KCNIP4: variants seen among roughly 807,000 people sequenced by gnomAD.
KCNIP4 encodes Kv channel-interacting protein 4.
Under a neutral mutation model 34.0 loss-of-function variants are expected in KCNIP4, and 12 were observed. The ratio of observed to expected loss-of-function variants is 0.35; its 90% confidence interval spans 0.23 to 0.57. KCNIP4 has a LOEUF of 0.57. Among genes scored for constraint, KCNIP4 ranks in the 20% least tolerant of loss-of-function variants. The pLI is 0.83. For synonymous variants in KCNIP4, 124 were observed against 102.2 expected (o/e 1.21, Z -1.29); for missense variants, 238 against 311.7 (o/e 0.76, Z 1.78).
At chr4:21,541,489 C>T (rs1030075404) in intron 1 of KCNIP4, among the ~76,000 whole-genome samples, 2 of 152,056 alleles carry the variant, frequency 1.3e-5, no homozygotes, top group Non-Finnish European at 2.9e-5. Flanking sequence ...TCAAAGGTAA[C>T]CTTTAAGGAA....
chr4:20,862,464 G>C (rs1722303990), intron 2 of KCNIP4, among the ~76,000 whole-genome samples: 1 of 152,122 alleles, frequency 6.6e-6, no homozygotes, highest in Non-Finnish European at 1.5e-5. Flanking sequence ...GACCAAAAGA[G>C]ATTGATATAC....
At chr4:21,681,568 C>T (rs1366708597) in intron 1 of KCNIP4, among the ~76,000 whole-genome samples, 2 of 152,230 alleles carry the variant, frequency 1.3e-5, no homozygotes, top group East Asian at 3.9e-4. Context: ...CATGAACCAA[C>T]CTCTGCTAGC....
At chr4:21,489,367 C>A (rs570198671) in intron 1 of KCNIP4, among the ~76,000 whole-genome samples, 6 of 150,364 alleles carry the variant, frequency 4.0e-5, no homozygotes, top group African/African-American at 1.5e-4. Context: ...CAATACCCTT[C>A]CAATTGAATA....
intron 1 of KCNIP4, among the ~76,000 whole-genome samples, chr4:20,946,780 T>C (rs144770731): frequency 6.6e-6 from 1 of 152,314 alleles, no homozygotes; most frequent in Non-Finnish European, 1.5e-5. Flanking sequence ...TAGTACAGGA[T>C]ACCTATTCCA....
At chr4:21,559,230 A>T (rs2109029241) in intron 1 of KCNIP4, among the ~76,000 whole-genome samples, 1 of 152,232 alleles carries the variant, frequency 6.6e-6, no homozygotes, top group South Asian at 2.1e-4. Context: ...TTGGGGAAAT[A>T]ATTATAATAA....
intron 1 of KCNIP4, among the ~76,000 whole-genome samples, chr4:21,384,025 A>T (rs1240727078): frequency 6.6e-6 from 1 of 152,070 alleles, no homozygotes; most frequent in Non-Finnish European, 1.5e-5. Context: ...TTGCAGGGCC[A>T]CAAGAGCACG....
rs537856921 is a variant in KCNIP4, at chr4:21,697,316, T to TAAAAAAAAAA, written c.61+251245_61+251254dup. 5.7e-6 allele frequency: 7 copies of TAAAAAAAAAA among 1,227,198 alleles called. No individual in the cohort carries two copies. In the African/African-American group the frequency reaches 9.9e-5, roughly 17 times the overall value. 76.0% of individuals were successfully genotyped at this position (1,227,198 alleles called of 1,614,324 possible). ...ATTACCATGCTCTACTAGCCTCTAC[T>TAAAAAAAAAA]AAAAAAAAAAAAAAAAAAAAAAAAA... is the stretch of plus-strand genomic sequence containing the variant. On this transcript the variant is annotated intron_variant, in intron 1 of 8. Transcript: ENST00000382152.
intron 1 of KCNIP4, among the ~76,000 whole-genome samples, chr4:21,823,724 C>A (rs980565806): frequency 1.3e-5 from 2 of 152,068 alleles, no homozygotes; most frequent in Non-Finnish European, 2.9e-5. Context: ...AGAAATCAGG[C>A]TAAATAGTTA....
rs564859288 is a variant in KCNIP4 at position 21,372,612 on chromosome 4, G to C, written c.62-489903C>G. On this transcript the variant is annotated intron_variant, in intron 1 of 8. Coordinates refer to ENST00000382152, the MANE Select transcript of KCNIP4 (RefSeq NM_025221.6). Reference sequence around the variant, plus strand: ...GCTAATATCTGCAACTAAGGTGAACGTGAGAAAAATCACTTATTTGGTTTT... The same window carrying C: ...GCTAATATCTGCAACTAAGGTGAACCTGAGAAAAATCACTTATTTGGTTTT... 2.3e-4 allele frequency among the ~76,000 whole-genome samples: 34 copies of C among 147,014 alleles called. 1 individual carries two copies. In the South Asian group the frequency reaches 6.8e-3, roughly 29 times the overall value.
intron 1 of KCNIP4, among the ~76,000 whole-genome samples, chr4:21,885,460 CTCTT>C (rs1446649182): frequency 2.0e-5 from 3 of 152,080 alleles, no homozygotes; most frequent in Non-Finnish European, 4.4e-5. Context: ...TGATCTACAA[CTCTT>C]TCTTTGTCTT....
At chr4:20,986,741 T>G (rs1736613767) in intron 1 of KCNIP4, among the ~76,000 whole-genome samples, 1 of 152,190 alleles carries the variant, frequency 6.6e-6, no homozygotes, top group African/African-American at 2.4e-5. Flanking sequence ...ATTTTAAAAT[T>G]GCCACATCTC....
intron 1 of KCNIP4, chr4:21,316,555 A>G (rs142231919): frequency 6.6e-6 from 1 of 152,298 alleles, no homozygotes; most frequent in African/African-American, 2.4e-5. Context: ...GATATAACAG[A>G]TTTTCATTTG....
chr4:21,179,097 G>A (rs1461768339), intron 1 of KCNIP4, among the ~76,000 whole-genome samples: 2 of 152,076 alleles, frequency 1.3e-5, no homozygotes, highest in East Asian at 1.9e-4. Flanking sequence ...GATTACAGGC[G>A]TGAGCCACCA....
At chr4:21,176,008 G>C (rs1754380889) in intron 1 of KCNIP4, among the ~76,000 whole-genome samples, 1 of 151,644 alleles carries the variant, frequency 6.6e-6, no homozygotes, top group Non-Finnish European at 1.5e-5. Context: ...CAATAATCTT[G>C]ACCTCTACTG....
intron 1 of KCNIP4, among the ~76,000 whole-genome samples, chr4:21,624,581 T>G (rs1745204908): frequency 6.6e-6 from 1 of 152,190 alleles, no homozygotes; most frequent in Non-Finnish European, 1.5e-5. Flanking sequence ...AAAGTTATCA[T>G]ATTTCATATT....
At chr4:21,769,737 A>C (rs1250919231) in intron 1 of KCNIP4, among the ~76,000 whole-genome samples, 1 of 152,128 alleles carries the variant, frequency 6.6e-6, no homozygotes, top group Non-Finnish European at 1.5e-5. Context: ...AAATATTTTG[A>C]GGACTTTATA....
At chr4:21,658,045 G>A (rs1283282858) in intron 1 of KCNIP4, among the ~76,000 whole-genome samples, 1 of 151,952 alleles carries the variant, frequency 6.6e-6, no homozygotes, top group Non-Finnish European at 1.5e-5. Flanking sequence ...TCACCATGTT[G>A]GCCAGGATTG....
chr4:21,782,522 C>T (rs1312605893), intron 1 of KCNIP4, among the ~76,000 whole-genome samples: 5 of 151,924 alleles, frequency 3.3e-5, no homozygotes, highest in Non-Finnish European at 4.4e-5. Flanking sequence ...GGTGAGACTC[C>T]GTTTCTACAA....
At chr4:20,994,044 T>G (rs1737318601) in intron 1 of KCNIP4, among the ~76,000 whole-genome samples, 1 of 152,218 alleles carries the variant, frequency 6.6e-6, no homozygotes, top group African/African-American at 2.4e-5. Context: ...TTTATCCTTG[T>G]GATTACATTG....
Sources: gnomAD v4.1 joint callset for allele counts (sites outside exome capture counted in the v4.1 genomes callset) on GRCh38, gnomAD v4.1.1 for gene constraint, MANE v1.5 for transcripts, NCBI Gene and HGNC (gene_info 2026-07-23, HGNC 2026-07-21) for gene names.